Variants in AP4E1 observed in about 807,000 individuals in gnomAD.
AP4E1 encodes the protein AP-4 complex subunit epsilon-1.
In AP4E1, 56 loss-of-function variants were observed where a neutral mutation model predicts 128.2. That is an observed-to-expected ratio of 0.44 (90% CI 0.35 to 0.55). The LOEUF is 0.55. Ranked by LOEUF, AP4E1 falls within the 20% of genes least tolerant of loss-of-function variation. The pLI is 0.00. For missense variants in AP4E1, 1,324 were observed against 1,307.7 expected, an observed-to-expected ratio of 1.01 and a Z score of -0.19; for synonymous variants, 484 against 473.1, an observed-to-expected ratio of 1.02 and a Z score of -0.30.
At chr15:50,986,262 A>G (rs967664543) in intron 16 of AP4E1, among the ~76,000 whole-genome samples, 1 of 152,166 alleles carries the variant, frequency 6.6e-6, no homozygotes, top group Middle Eastern at 3.2e-3. Context: ...AACAGGGACA[A>G]TTTGACTTCC....
chr15:50,987,430 G>A (rs1350367115), intron 16 of AP4E1, among the ~76,000 whole-genome samples: 1 of 152,202 alleles, frequency 6.6e-6, no homozygotes, highest in African/African-American at 2.4e-5. Flanking sequence ...GCTTTCTCTT[G>A]TGGGCATTTA....
intron 14 of AP4E1, among the ~76,000 whole-genome samples, chr15:50,966,904 T>C (rs2064402018): frequency 6.6e-6 from 1 of 152,218 alleles, no homozygotes; most frequent in South Asian, 2.1e-4. Flanking sequence ...TGTTTGATAA[T>C]TATTTGCTAT....
intron 15 of AP4E1, among the ~76,000 whole-genome samples, chr15:50,975,511 A>G (rs2064539303): frequency 6.6e-6 from 1 of 152,008 alleles, no homozygotes; most frequent in African/African-American, 2.4e-5. Context: ...ATTCTTTTGC[A>G]TGTGAATATT....
Position 50,946,028 on chromosome 15 carries a change from A to G in AP4E1, c.1177-1992A>G, listed in dbSNP as rs573162522. ...GTATTCCTAACAATCCTGATGTACA[A>G]TTATTTGTTACTTTTGATTTGAGAA... On this transcript the variant is annotated intron_variant, in intron 10 of 20. Coordinates refer to ENST00000261842, the MANE Select transcript of AP4E1 (RefSeq NM_007347.5). 8.8e-5 allele frequency: 75 copies of G among 847,550 alleles called. No individual in the cohort carries two copies. The African/African-American group carries it at 1.2e-3, about 13-fold the overall frequency. 52.5% of individuals were successfully genotyped at this position (847,550 alleles called of 1,614,324 possible).
At chr15:50,979,065 C>G (rs1373273031) in intron 15 of AP4E1, among the ~76,000 whole-genome samples, 1 of 152,072 alleles carries the variant, frequency 6.6e-6, no homozygotes, top group Non-Finnish European at 1.5e-5. Context: ...CTTTGTACCT[C>G]TAATTTTGAG....
intron 16 of AP4E1, among the ~76,000 whole-genome samples, chr15:50,990,425 C>T (rs1294617611): frequency 6.6e-6 from 1 of 150,608 alleles, no homozygotes; most frequent in East Asian, 2.0e-4. Flanking sequence ...GTGACATGAT[C>T]TTGGCTCACT....
intron 13 of AP4E1, 86 bp downstream of exon 13, chr15:50,950,255 C>A: frequency 1.1e-6 from 1 of 907,740 alleles, no homozygotes; most frequent in Non-Finnish European, 1.7e-6. Flanking sequence ...AAACCATTCG[C>A]TTTACTCAGC....
chr15:50,920,331 T>G (rs955200116), intron 3 of AP4E1, among the ~76,000 whole-genome samples: 2 of 151,480 alleles, frequency 1.3e-5, no homozygotes, highest in African/African-American at 4.8e-5. Flanking sequence ...GCCAGGATGG[T>G]CTCGATCTCC....
At chr15:50,951,632 A>G (rs374643015) in intron 13 of AP4E1, among the ~76,000 whole-genome samples, 1 of 151,828 alleles carries the variant, frequency 6.6e-6, no homozygotes, top group Admixed American at 6.6e-5. Context: ...CCAGATTTTT[A>G]CTTAAAAATT....
intron 7 of AP4E1, among the ~76,000 whole-genome samples, chr15:50,933,453 A>T (rs1187798946): frequency 6.6e-6 from 1 of 152,112 alleles, no homozygotes; most frequent in East Asian, 1.9e-4. Flanking sequence ...TAGATTTATT[A>T]AGATTTATCT....
chr15:50,946,208 G>A, intron 10 of AP4E1, among the ~76,000 whole-genome samples: 1 of 152,066 alleles, frequency 6.6e-6, no homozygotes, highest in East Asian at 1.9e-4. Flanking sequence ...TTTTATTGAA[G>A]AATACAGTAT....
chr15:50,994,003 T>TC (rs1361686168), intron 17 of AP4E1, among the ~76,000 whole-genome samples: 1 of 152,188 alleles, frequency 6.6e-6, no homozygotes, highest in African/African-American at 2.4e-5. Flanking sequence ...TAAAAAGTAC[T>TC]CCTCAAAATT....
intron 3 of AP4E1, 136 bp from the exon 4 acceptor site, chr15:50,923,795 C>T (rs759407738): frequency 2.9e-6 from 2 of 682,124 alleles, no homozygotes; most frequent in Non-Finnish European, 5.3e-6. Context: ...AGGTTTTTAA[C>T]CTTATATTTT....
intron 16 of AP4E1, among the ~76,000 whole-genome samples, chr15:50,985,409 C>A (rs2064706661): frequency 6.6e-6 from 1 of 152,254 alleles, no homozygotes; most frequent in East Asian, 1.9e-4. Flanking sequence ...AATGGTATTG[C>A]CTAGGTTTTC....
intron 7 of AP4E1, among the ~76,000 whole-genome samples, chr15:50,933,602 T>C (rs1042903623): frequency 3.9e-5 from 6 of 152,144 alleles, no homozygotes; most frequent in Non-Finnish European, 7.4e-5. Context: ...GGATTGGTAA[T>C]GTCTGCTGTA....
intron 17 of AP4E1, among the ~76,000 whole-genome samples, chr15:50,996,247 T>C (rs548918033): frequency 6.6e-6 from 1 of 150,996 alleles, no homozygotes; most frequent in East Asian, 2.0e-4. Flanking sequence ...ATCCGCCTGC[T>C]TCAGCCTCCC....
intron 13 of AP4E1, among the ~76,000 whole-genome samples, chr15:50,954,348 A>C (rs990727318): frequency 3.9e-5 from 6 of 152,130 alleles, no homozygotes; most frequent in Non-Finnish European, 5.9e-5. Context: ...ATTTGGTAGA[A>C]TTTTCCAGTG....
chr15:50,925,157 T>G lies in AP4E1; in HGVS notation c.480T>G (p.Ile160Met). ...VCMALTVVSQ[I>M]FPCEMIPAVL... ...TGGCACTGACTGTTGTTAGCCAGAT[T>G]TTCCCCTGCGAAATGATTCCAGCTG... The change falls in exon 5 of 21, where the codon ATT (isoleucine) becomes ATG (methionine). Residue 160 changes from isoleucine to methionine, a missense_variant. Physicochemically the swap from Ile to Met is conservative, Grantham distance 10 (BLOSUM62 1). Coordinates refer to ENST00000261842, the MANE Select transcript of AP4E1 (RefSeq NM_007347.5). 6.2e-7 allele frequency: 1 copy of G among 1,613,938 alleles called. No homozygotes were observed. Among genetic ancestry groups the G allele is most frequent in the Non-Finnish European group, 8.5e-7 (1 of 1,179,824 alleles).
intron 15 of AP4E1, among the ~76,000 whole-genome samples, chr15:50,982,086 C>CAAAAA (rs55717107): frequency 1.3e-3 from 64 of 49,216 alleles, no homozygotes; most frequent in Non-Finnish European, 1.6e-3. Flanking sequence ...ACTCCCATCT[C>CAAAAA]AAAAAAAAAA....
Sources: gnomAD v4.1 joint callset for allele counts (sites outside exome capture counted in the v4.1 genomes callset) on GRCh38, gnomAD v4.1.1 for gene constraint, MANE v1.5 for transcripts, NCBI Gene and HGNC (gene_info 2026-07-23, HGNC 2026-07-21) for gene names.